Variants in BBOX1 observed in about 807,000 individuals in gnomAD.
The protein encoded by BBOX1 is gamma-butyrobetaine hydroxylase 1.
BBOX1 carries 35 observed loss-of-function variants against 41.6 expected under a neutral mutation model. The ratio of observed to expected loss-of-function variants is 0.84; its 90% CI spans 0.64 to 1.11. The LOEUF (loss-of-function observed/expected upper bound fraction) is 1.11, where lower values mean the gene tolerates loss of function less well. Ranked by LOEUF, BBOX1 falls within the 50% of genes most tolerant of loss-of-function variation. The pLI is 0.00. For missense variants in BBOX1, 458 were observed against 460.6 expected (o/e 0.99, Z 0.05); for synonymous variants, 163 against 154.7 (o/e 1.05, Z -0.40).
chr11:27,076,044 T>C (rs1857619448), intron 4 of BBOX1, among the ~76,000 whole-genome samples: 1 of 152,206 alleles, frequency 6.6e-6, no homozygotes, highest in African/African-American at 2.4e-5. Context: ...CAGACTTGTT[T>C]ATCTCCCAAG....
In BBOX1 at chr11:27,115,500, C is replaced by T. The variant is rs1261049269; in HGVS notation, c.582C>T (p.Tyr194=). 1 of 1,611,312 alleles carries T rather than the reference C, an allele frequency of 6.2e-7. No homozygotes were observed. The highest frequency in any genetic ancestry group is 1.1e-5 in the South Asian group (1 of 90,966). The change falls in exon 6 of 9, where the codon TAC becomes TAT. Residue 194 remains tyrosine, a synonymous_variant. Coordinates refer to ENST00000263182, the MANE Select transcript of BBOX1 (RefSeq NM_003986.3). ...QDKIDANNVA[Y]TTGKLSFHTD... ...AAATCGATGCAAACAATGTGGCTTA[C>T]ACAACTGGGAAGCTAAGCTTTCACA...
chr11:27,127,434 G>C lies in BBOX1; in HGVS notation c.1145G>C (p.Arg382Thr), dbSNP rs752586939. Residue 382 changes from arginine (R) to threonine (T), a missense_variant, in exon 9 of 9, where the codon AGG becomes ACG. By Grantham distance (71) the Arg-to-Thr change is moderately conservative. Transcript: ENST00000263182. ...VMSRLRILRQ[R>T]VENGN The stretch of plus-strand genomic sequence containing the variant: ...TCAAGGCTTCGTATCTTAAGGCAGA[G>C]GGTGGAGAATGGAAACTGAAGTCAC... 8 of 1,606,834 alleles carry C rather than the reference G, an allele frequency of 5.0e-6. No individual in the cohort carries two copies. Among genetic ancestry groups the C allele is most frequent in the Non-Finnish European group, 5.1e-6 (6 of 1,178,384 alleles).
intron 4 of BBOX1, among the ~76,000 whole-genome samples, chr11:27,070,068 T>C (rs2165771): frequency 0.41 from 62,438 of 152,018 alleles, 13,447 homozygotes; most frequent in African/African-American, 0.55. Flanking sequence ...TGGGTTTGTA[T>C]TGTTTTCAGG....
At chr11:27,107,443 G>A (rs1005234433) in intron 5 of BBOX1, among the ~76,000 whole-genome samples, 1 of 152,046 alleles carries the variant, frequency 6.6e-6, no homozygotes, top group Non-Finnish European at 1.5e-5. Flanking sequence ...AGGATAATTT[G>A]CAGAGTTTCA....
chr11:27,070,578 C>T (rs1452875150), intron 4 of BBOX1, among the ~76,000 whole-genome samples: 1 of 152,014 alleles, frequency 6.6e-6, no homozygotes, highest in Non-Finnish European at 1.5e-5. Flanking sequence ...ATAAAAATAG[C>T]TACTTCTGCT....
intron 5 of BBOX1, among the ~76,000 whole-genome samples, chr11:27,094,904 G>T (rs542566923): frequency 6.6e-6 from 1 of 151,948 alleles, no homozygotes; most frequent in African/African-American, 2.4e-5. Flanking sequence ...ACAGACAAAG[G>T]AAAGAGGGGG....
chr11:27,087,695 G>A (rs1420865472), intron 4 of BBOX1, among the ~76,000 whole-genome samples: 1 of 151,940 alleles, frequency 6.6e-6, no homozygotes, highest in Non-Finnish European at 1.5e-5. Context: ...TTGAAAACTG[G>A]TTAGTCACAG....
chr11:27,084,981 C>T (rs1000991590), intron 4 of BBOX1, among the ~76,000 whole-genome samples: 22 of 152,228 alleles, frequency 1.4e-4, no homozygotes, highest in African/African-American at 4.6e-4. Context: ...TGTACCCAGA[C>T]CCAAGTGTGA....
chr11:27,052,338 A>G (rs538213491), intron 2 of BBOX1, among the ~76,000 whole-genome samples: 1 of 152,200 alleles, frequency 6.6e-6, no homozygotes, highest in South Asian at 2.1e-4. Context: ...GCTCCATACA[A>G]TGTATCTGAT....
chr11:27,078,099 T>G (rs1857698597), intron 4 of BBOX1, among the ~76,000 whole-genome samples: 1 of 152,126 alleles, frequency 6.6e-6, no homozygotes, highest in Non-Finnish European at 1.5e-5. Context: ...TGACTTATTC[T>G]TCTCTTTCTG....
At chr11:27,080,021 C>T (rs936254443) in intron 4 of BBOX1, among the ~76,000 whole-genome samples, 1 of 152,084 alleles carries the variant, frequency 6.6e-6, no homozygotes, top group East Asian at 1.9e-4. Flanking sequence ...ATTTCCTATT[C>T]CCATCCTGCT....
intron 4 of BBOX1, among the ~76,000 whole-genome samples, chr11:27,063,955 G>A (rs2133978043): frequency 6.6e-6 from 1 of 152,302 alleles, no homozygotes; most frequent in African/African-American, 2.4e-5. Flanking sequence ...ATTTGGTTTG[G>A]TGCAGAGGCC....
At chr11:27,099,726 A>T (rs1435897551) in intron 5 of BBOX1, among the ~76,000 whole-genome samples, 1 of 152,050 alleles carries the variant, frequency 6.6e-6, no homozygotes, top group African/African-American at 2.4e-5. Flanking sequence ...TGAGCTTTTC[A>T]TGTGATTTCC....
In BBOX1 at chr11:27,057,658, A is replaced by T. The variant is rs573649892; in HGVS notation, c.334+343A>T. 2.0e-5 allele frequency among the ~76,000 whole-genome samples: 3 copies of T among 152,308 alleles called. No homozygotes were observed. The South Asian group carries it at 6.2e-4, about 32-fold the overall frequency. ...ACTAGAGGCAGACTGGCCCTTTATA[A>T]CAATTTTGTCTAAGGCCAGAACAAC... On this transcript the variant is annotated intron_variant, in intron 4 of 8. Transcript: ENST00000263182.
At chr11:27,095,093 A>G (rs905761452) in intron 5 of BBOX1, among the ~76,000 whole-genome samples, 1 of 152,004 alleles carries the variant, frequency 6.6e-6, no homozygotes, top group Non-Finnish European at 1.5e-5. Flanking sequence ...AGTCTGTCCT[A>G]TCTATGGACT....
chr11:27,043,635 T>A (rs1324175315), intron 2 of BBOX1, among the ~76,000 whole-genome samples: 1 of 152,128 alleles, frequency 6.6e-6, no homozygotes, highest in Non-Finnish European at 1.5e-5. Context: ...GATGTTCCCC[T>A]CCCTGTGTCC....
chr11:27,058,633 G>A (rs1357623726), intron 4 of BBOX1, among the ~76,000 whole-genome samples: 2 of 152,220 alleles, frequency 1.3e-5, no homozygotes, highest in Non-Finnish European at 2.9e-5. Flanking sequence ...ATTGGGAAGT[G>A]AAGCAAAGGT....
chr11:27,092,287 A>C (rs151179165), intron 4 of BBOX1, among the ~76,000 whole-genome samples: 2 of 151,934 alleles, frequency 1.3e-5, no homozygotes, highest in Non-Finnish European at 2.9e-5. Context: ...TCATTCTGTC[A>C]CTTTTTAGGA....
chr11:27,127,571 T>A lies in BBOX1; in HGVS notation c.*118T>A. The stretch of plus-strand genomic sequence containing the variant: ...TATAATTTCCTTAACAATGAACATG[T>A]AACTTCTCTCACAAGAGTACTCTTT... On this transcript the variant is annotated 3_prime_UTR_variant, in exon 9 of 9. Coordinates refer to ENST00000263182, the MANE Select transcript of BBOX1 (RefSeq NM_003986.3). 8.5e-7 allele frequency: 1 copy of A among 1,172,516 alleles called. No homozygotes were observed. The highest frequency in any genetic ancestry group is 1.2e-6 in the Non-Finnish European group (1 of 845,824). The allele number at this position is 1,172,516 out of a possible 1,614,324, so 72.6% of individuals were successfully genotyped here.
Sources: allele counts gnomAD v4.1 joint callset (sites outside exome capture counted in the v4.1 genomes callset), GRCh38; gene constraint gnomAD v4.1.1; transcripts MANE v1.5; gene names NCBI Gene and HGNC (gene_info 2026-07-23, HGNC 2026-07-21).